LRBA: variants seen among roughly 807,000 people sequenced by gnomAD.
LRBA encodes lipopolysaccharide-responsive and beige-like anchor protein.
Under a neutral mutation model 330.0 loss-of-function variants are expected in LRBA, and 176 were observed. The observed-to-expected ratio is 0.53, with a 90% CI of 0.47 to 0.60. The LOEUF (loss-of-function observed/expected upper bound fraction) is 0.60, where lower values mean the gene tolerates loss of function less well. LRBA is among the 20% of genes least tolerant of loss of function. LRBA has a pLI of 0.00. For synonymous variants in LRBA, 1,230 were observed against 1,193.0 expected (o/e 1.03, Z -0.64); for missense variants, 3,259 against 3,444.8 (o/e 0.95, Z 1.35).
intron 34 of LRBA, among the ~76,000 whole-genome samples, chr4:150,781,090 A>G (rs1738158793): frequency 6.6e-6 from 1 of 152,038 alleles, no homozygotes; most frequent in Admixed American, 6.6e-5. Context: ...CATGTTAGCC[A>G]GGATGGTCTC....
chr4:150,464,326 T>C (rs1387967173), intron 44 of LRBA, among the ~76,000 whole-genome samples: 1 of 152,076 alleles, frequency 6.6e-6, no homozygotes, highest in African/African-American at 2.4e-5. Flanking sequence ...CCAAAAATGA[T>C]ATTTTTACTT....
intron 17 of LRBA, among the ~76,000 whole-genome samples, chr4:150,889,412 G>C (rs1311001376): frequency 6.6e-6 from 1 of 152,076 alleles, no homozygotes; most frequent in Non-Finnish European, 1.5e-5. Flanking sequence ...GGAGGCCAAG[G>C]CGGGCAGATC....
chr4:150,955,366 A>G (rs1325179999), intron 2 of LRBA, among the ~76,000 whole-genome samples: 1 of 149,452 alleles, frequency 6.7e-6, no homozygotes, highest in Non-Finnish European at 1.5e-5. Context: ...GAATGTATAA[A>G]GCAGTGTTCA....
intron 37 of LRBA, among the ~76,000 whole-genome samples, chr4:150,618,017 T>A (rs1240886975): frequency 2.0e-5 from 3 of 151,866 alleles, no homozygotes; most frequent in African/African-American, 7.3e-5. Flanking sequence ...GGTGGGAGGA[T>A]CGATTGAGCC....
At chr4:150,829,756 CTA>C (rs1233505128) in intron 29 of LRBA, among the ~76,000 whole-genome samples, 1 of 152,182 alleles carries the variant, frequency 6.6e-6, no homozygotes, top group Non-Finnish European at 1.5e-5. Context: ...TTAAATACCA[CTA>C]TATTTCCCCA....
At chr4:150,899,076 G>T (rs1338999164) in intron 14 of LRBA, among the ~76,000 whole-genome samples, 1 of 152,118 alleles carries the variant, frequency 6.6e-6, no homozygotes, top group East Asian at 1.9e-4. Context: ...TTTTTACCAA[G>T]TGACTGAAGT....
intron 54 of LRBA, among the ~76,000 whole-genome samples, chr4:150,283,131 C>T (rs1747747395): frequency 6.6e-6 from 1 of 152,198 alleles, no homozygotes; most frequent in African/African-American, 2.4e-5. Context: ...TGCCTTAGCC[C>T]TCTTCCCCCG....
At chr4:150,944,537 GTCTA>G (rs2149532008) in intron 2 of LRBA, among the ~76,000 whole-genome samples, 1 of 151,724 alleles carries the variant, frequency 6.6e-6, no homozygotes, top group East Asian at 1.9e-4. Context: ...ATTCCTCAAA[GTCTA>G]TCAGACAAAA....
intron 28 of LRBA, among the ~76,000 whole-genome samples, chr4:150,842,617 G>C (rs935111704): frequency 6.6e-5 from 10 of 152,150 alleles, no homozygotes; most frequent in African/African-American, 2.4e-4. Context: ...AAAGTTGATG[G>C]CTTCTTAATT....
intron 47 of LRBA, among the ~76,000 whole-genome samples, chr4:150,365,544 C>T (rs1185162209): frequency 6.6e-6 from 1 of 152,048 alleles, no homozygotes; most frequent in Non-Finnish European, 1.5e-5. Context: ...GTAATCTCAA[C>T]ATTTTGGGAG....
intron 35 of LRBA, among the ~76,000 whole-genome samples, chr4:150,754,219 T>C (rs996442340): frequency 1.6e-4 from 24 of 152,030 alleles, no homozygotes; most frequent in Admixed American, 1.3e-4. Flanking sequence ...AAAAATGACC[T>C]GACCATGTCA....
intron 47 of LRBA, among the ~76,000 whole-genome samples, chr4:150,357,950 C>T (rs1581104928): frequency 6.6e-6 from 1 of 151,918 alleles, no homozygotes; most frequent in East Asian, 1.9e-4. Flanking sequence ...GAAAGAAACA[C>T]GAACAATTAC....
At position 150,321,470 on chromosome 4, in the gene LRBA, A is replaced by G; in HGVS notation, c.7453-102T>C. On this transcript the variant is annotated intron_variant, in intron 49 of 56. Transcript: ENST00000651943. This position sits in a 1 kb window ranked among gnomAD's most constrained non-coding sequence, Gnocchi z 4.5. ...AAGAGAGGGGGTGCAGGAAAAGAAGAGGAAGACCATATTAACATGAGTTGT... is the reference window on the plus strand; with the variant it reads ...AAGAGAGGGGGTGCAGGAAAAGAAGGGGAAGACCATATTAACATGAGTTGT... The G allele has an allele frequency of 1.0e-6, 1 of 971,532 alleles. No homozygotes were observed. The highest frequency in any genetic ancestry group is 3.3e-4 in the Middle Eastern group (1 of 3,000). 60.2% of individuals were successfully genotyped at this position (971,532 alleles called of 1,614,324 possible). A position where few individuals can be genotyped will look rare whatever the true frequency, so the allele number is the denominator to read the frequency against.
intron 28 of LRBA, chr4:150,840,485 G>T (rs1454830672): frequency 6.6e-6 from 1 of 152,230 alleles, no homozygotes; most frequent in Non-Finnish European, 1.5e-5. Flanking sequence ...TCAGGAAATA[G>T]AGAGACAGGG....
chr4:150,342,803 G>A (rs906362689), intron 48 of LRBA, among the ~76,000 whole-genome samples: 2 of 152,086 alleles, frequency 1.3e-5, no homozygotes, highest in Non-Finnish European at 2.9e-5. Flanking sequence ...GACTGGGAAC[G>A]TATTTCCAGA....
intron 34 of LRBA, among the ~76,000 whole-genome samples, chr4:150,778,821 C>G (rs1023585134): frequency 1.3e-5 from 2 of 152,092 alleles, no homozygotes; most frequent in African/African-American, 2.4e-5. Flanking sequence ...CAATTGCTGC[C>G]CTTTGAGGTC....
chr4:150,575,688 T>G lies in LRBA; in HGVS notation c.6330+12360A>C, dbSNP rs925401077. ...CACTAGCATAATCTACGTCTCTAATTTCACTCATCTGTTTTGTTAATGTCT... is the reference window on the plus strand; with the variant it reads ...CACTAGCATAATCTACGTCTCTAATGTCACTCATCTGTTTTGTTAATGTCT... On this transcript the variant is annotated intron_variant, in intron 40 of 56. Coordinates refer to ENST00000651943, the MANE Select transcript of LRBA (RefSeq NM_001364905.1). Among the ~76,000 whole-genome samples, 5 of 152,024 alleles carry G rather than the reference T, an allele frequency of 3.3e-5. No homozygotes were observed. The East Asian group carries it at 5.8e-4, about 18-fold the overall frequency.
At chr4:150,512,075 G>C (rs1286822957) in intron 40 of LRBA, among the ~76,000 whole-genome samples, 1 of 152,226 alleles carries the variant, frequency 6.6e-6, no homozygotes, top group Non-Finnish European at 1.5e-5. Flanking sequence ...TATACCCAAT[G>C]AATTAATGAT....
chr4:150,342,313 A>G (rs980910161), intron 48 of LRBA, among the ~76,000 whole-genome samples: 4 of 152,122 alleles, frequency 2.6e-5, no homozygotes, highest in African/African-American at 9.7e-5. Flanking sequence ...TATATGTAAT[A>G]TTGAGGAACT....
Sources: gnomAD v4.1 joint callset for allele counts (sites outside exome capture counted in the v4.1 genomes callset) on GRCh38, gnomAD v4.1.1 for gene constraint, Gnocchi (gnomAD v3.1) non-coding constraint, MANE v1.5 for transcripts, NCBI Gene and HGNC (gene_info 2026-07-23, HGNC 2026-07-21) for gene names.